The following KDM5B variants were observed in gnomAD, a reference collection of about 807,000 sequenced individuals.
The protein encoded by KDM5B is lysine demethylase 5B.
Under a neutral mutation model 193.4 loss-of-function variants are expected in KDM5B, and 144 were observed. The observed-to-expected ratio is 0.74, with a 90% confidence interval of 0.65 to 0.86. The LOEUF is 0.86. Ranked by LOEUF, KDM5B falls within the 40% of genes least tolerant of loss-of-function variation. KDM5B has a pLI of 0.00. For synonymous variants in KDM5B, 668 were observed against 682.6 expected (o/e 0.98, Z 0.33); for missense variants, 1,833 against 1,886.9 (o/e 0.97, Z 0.53).
Position 202,773,145 on chromosome 1 carries a change from G to A in KDM5B, c.549C>T (p.Asn183=). The part of the protein sequence containing the change: ...GHYERILNPY[N]LFLSGDSLRC... ...TTAGGCTGTCTCCGGACAGGAATAA[G>A]TTGTAGGGGTTGAGAATTCGTTCAT... is the stretch of plus-strand genomic sequence containing the variant. Residue 183 remains asparagine (N), a synonymous_variant, in exon 4 of 27, where the codon AAC becomes AAT. Transcript: ENST00000367265. 2 of 1,613,590 alleles carry A rather than the reference G, an allele frequency of 1.2e-6. No individual in the cohort carries two copies. Among genetic ancestry groups the A allele is most frequent in the East Asian group, 2.2e-5 (1 of 44,876 alleles).
chr1:202,769,116 A>C (rs1216246239), intron 4 of KDM5B, among the ~76,000 whole-genome samples: 1 of 145,856 alleles, frequency 6.9e-6, no homozygotes, highest in Non-Finnish European at 1.5e-5. Flanking sequence ...GGCTCACTGC[A>C]AGCTCCACCT....
intron 9 of KDM5B, among the ~76,000 whole-genome samples, chr1:202,757,308 G>A (rs1302704238): frequency 6.6e-6 from 1 of 152,166 alleles, no homozygotes; most frequent in African/African-American, 2.4e-5. Context: ...TGGCCAGGTT[G>A]GGAAAGGGTG....
intron 20 of KDM5B, 46 bp downstream of exon 20, chr1:202,740,628 T>C (rs1188655752): frequency 4.5e-6 from 7 of 1,544,426 alleles, no homozygotes; most frequent in Admixed American, 1.8e-5. Context: ...AATATTGCTC[T>C]TTATGGATGC....
At chr1:202,772,359 A>T (rs758313318) in intron 4 of KDM5B, among the ~76,000 whole-genome samples, 4 of 152,218 alleles carry the variant, frequency 2.6e-5, no homozygotes, top group African/African-American at 7.2e-5. Context: ...CATAGGAATT[A>T]CTAGAAGAGG....
At chr1:202,805,934 G>A (rs1658274007) in intron 1 of KDM5B, among the ~76,000 whole-genome samples, 1 of 152,198 alleles carries the variant, frequency 6.6e-6, no homozygotes, top group Non-Finnish European at 1.5e-5. Flanking sequence ...TCTCCAAACA[G>A]AGTACTGGTT....
chr1:202,759,812 G>A (rs116240789), intron 8 of KDM5B, among the ~76,000 whole-genome samples: 31 of 152,234 alleles, frequency 2.0e-4, no homozygotes, highest in Non-Finnish European at 1.9e-4. Context: ...TACTTTTTAA[G>A]TTGTTCAATG....
intron 20 of KDM5B, 72 bp downstream of exon 20, chr1:202,740,602 T>C: frequency 1.4e-6 from 2 of 1,401,126 alleles, no homozygotes; most frequent in Non-Finnish European, 1.9e-6. Context: ...CCCACCTCCC[T>C]CCCGGACGGG....
intron 4 of KDM5B, chr1:202,767,498 T>TC: frequency 1.3e-6 from 1 of 795,996 alleles, no homozygotes; most frequent in Admixed American, 2.3e-5. Flanking sequence ...GACCTTTTTT[T>TC]CACGACCTTG....
chr1:202,761,769 T>TCTC (rs1241552423), intron 7 of KDM5B, among the ~76,000 whole-genome samples: 1 of 152,226 alleles, frequency 6.6e-6, no homozygotes, highest in African/African-American at 2.4e-5. Context: ...TCCCAGCCTA[T>TCTC]ACAACTGTGA....
At chr1:202,785,489 C>T (rs200562989) in intron 1 of KDM5B, among the ~76,000 whole-genome samples, 3 of 149,706 alleles carry the variant, frequency 2.0e-5, no homozygotes, top group Non-Finnish European at 3.0e-5. Flanking sequence ...TACTACTGTG[C>T]GGCTTTGTAC....
intron 1 of KDM5B, among the ~76,000 whole-genome samples, chr1:202,791,598 C>A (rs1293297540): frequency 1.3e-5 from 2 of 152,168 alleles, no homozygotes; most frequent in Non-Finnish European, 2.9e-5. Context: ...CCAGACAGCT[C>A]CCTCTCATCC....
chr1:202,779,858 A>G (rs1209948928), intron 1 of KDM5B, among the ~76,000 whole-genome samples: 1 of 151,680 alleles, frequency 6.6e-6, no homozygotes, highest in Non-Finnish European at 1.5e-5. Flanking sequence ...AAATAAAGGA[A>G]GAAAAAACAA....
At chr1:202,781,440 T>C (rs1657194162) in intron 1 of KDM5B, among the ~76,000 whole-genome samples, 3 of 152,262 alleles carry the variant, frequency 2.0e-5, no homozygotes, top group South Asian at 2.1e-4. Context: ...ATGTTTAACA[T>C]AGTTGTACTG....
At chr1:202,768,105 G>T (rs1011709472) in intron 4 of KDM5B, among the ~76,000 whole-genome samples, 8 of 152,106 alleles carry the variant, frequency 5.3e-5, no homozygotes, top group African/African-American at 1.9e-4. Flanking sequence ...AGTCTAACTC[G>T]CAAGGCAAAG....
chr1:202,730,787 G>T, intron 25 of KDM5B, 122 bp downstream of exon 25: 1 of 871,406 alleles, frequency 1.1e-6, no homozygotes, highest in South Asian at 2.2e-5. Flanking sequence ...ATTCAAAATG[G>T]GTCATCCTCA....
intron 14 of KDM5B, among the ~76,000 whole-genome samples, chr1:202,747,944 A>G (rs1655623735): frequency 6.6e-6 from 1 of 152,144 alleles, no homozygotes; most frequent in African/African-American, 2.4e-5. Context: ...AAAAAAAGTA[A>G]AAGAGATAAA....
intron 1 of KDM5B, among the ~76,000 whole-genome samples, chr1:202,799,711 T>C (rs1657998598): frequency 6.6e-6 from 1 of 151,646 alleles, no homozygotes; most frequent in South Asian, 2.1e-4. Flanking sequence ...AATAAAAATA[T>C]ACATACACAC....
rs1232163380 is a variant in KDM5B, at chr1:202,728,084, T to C, written c.*952A>G. 1.3e-5 allele frequency: 2 copies of C among 152,336 alleles called. No individual in the cohort carries two copies. The highest frequency in any genetic ancestry group is 2.4e-5 in the African/African-American group (1 of 41,464). The allele number at this position is 152,336 out of a possible 1,614,324, so 9.4% of individuals were successfully genotyped here. On this transcript the variant is annotated 3_prime_UTR_variant, in exon 27 of 27. Coordinates refer to ENST00000367265, the MANE Select transcript of KDM5B (RefSeq NM_006618.5). ...ATGTTGTTTGCAGGCTAACATCCACTGCTACTGCAACCTGGTTGGGCAGAG... is the reference window on the plus strand; with the variant it reads ...ATGTTGTTTGCAGGCTAACATCCACCGCTACTGCAACCTGGTTGGGCAGAG...
chr1:202,759,872 AAAT>A (rs947140429), intron 8 of KDM5B, among the ~76,000 whole-genome samples: 16 of 152,312 alleles, frequency 1.1e-4, no homozygotes, highest in African/African-American at 3.6e-4. Flanking sequence ...AAGAATTAAA[AAAT>A]AATAATAAGA....
Sources: gnomAD v4.1 joint callset for allele counts (sites outside exome capture counted in the v4.1 genomes callset) on GRCh38, gnomAD v4.1.1 for gene constraint, MANE v1.5 for transcripts, NCBI Gene and HGNC (gene_info 2026-07-23, HGNC 2026-07-21) for gene names.